The following ELF1 variants were observed in gnomAD, a reference collection of about 807,000 sequenced individuals.
The protein encoded by ELF1 is ETS-related transcription factor Elf-1.
ELF1 carries 24 observed loss-of-function variants against 59.9 expected under a neutral mutation model. That is an observed-to-expected ratio of 0.40 (90% CI 0.29 to 0.56). The LOEUF (loss-of-function observed/expected upper bound fraction) is 0.56, where lower values mean the gene tolerates loss of function less well. ELF1 is among the 20% of genes least tolerant of loss of function. The pLI is 0.44. For synonymous variants in ELF1, 248 were observed against 266.2 expected, an observed-to-expected ratio of 0.93 and a Z score of 0.67; for missense variants, 627 against 742.2, an observed-to-expected ratio of 0.84 and a Z score of 1.80.
chr13:40,999,579 C>T (rs998703445), intron 1 of ELF1, among the ~76,000 whole-genome samples: 1 of 152,094 alleles, frequency 6.6e-6, no homozygotes, highest in Non-Finnish European at 1.5e-5. Context: ...TGGGTTGCAA[C>T]AATAGATGGT....
upstream of ELF1, among the ~76,000 whole-genome samples, chr13:41,022,143 A>G (rs1875713919): frequency 6.6e-6 from 1 of 152,238 alleles, no homozygotes; most frequent in South Asian, 2.1e-4. Flanking sequence ...AATATTGAAA[A>G]CCCAAATAAT....
At chr13:41,003,964 A>G (rs1874604574) in intron 1 of ELF1, among the ~76,000 whole-genome samples, 1 of 152,160 alleles carries the variant, frequency 6.6e-6, no homozygotes, top group African/African-American at 2.4e-5. Context: ...AATAAACCAT[A>G]AAGGCAACCT....
chr13:41,057,910 A>C (rs1450346500), intron 1 of ELF1, among the ~76,000 whole-genome samples: 2 of 152,232 alleles, frequency 1.3e-5, no homozygotes, highest in Non-Finnish European at 2.9e-5. Context: ...TACCAAGGTC[A>C]CTTTCAACAA....
At chr13:41,051,994 G>A (rs1380943382) in intron 1 of ELF1, among the ~76,000 whole-genome samples, 2 of 142,542 alleles carry the variant, frequency 1.4e-5, no homozygotes, top group Non-Finnish European at 3.0e-5. Context: ...AGGCTAGAGT[G>A]CAATGGCATG....
intron 4 of ELF1, among the ~76,000 whole-genome samples, chr13:40,950,492 A>AT (rs56369349): frequency 0.19 from 28,883 of 150,272 alleles, 3,043 homozygotes; most frequent in African/African-American, 0.27. Flanking sequence ...GATTTCATTC[A>AT]TTTTTTTTTT....
At chr13:41,043,090 C>T (rs946665547) in intron 1 of ELF1, among the ~76,000 whole-genome samples, 1 of 152,158 alleles carries the variant, frequency 6.6e-6, no homozygotes, top group African/African-American at 2.4e-5. Flanking sequence ...CTGTTGGCTG[C>T]AAAAATGTCT....
chr13:41,019,129 G>T, intron 1 of ELF1, 99 bp downstream of exon 1: 1 of 923,208 alleles, frequency 1.1e-6, no homozygotes, highest in Non-Finnish European at 1.3e-6. Context: ...GAGGGTTAAA[G>T]AACACATTCA....
Position 41,005,726 on chromosome 13 carries a change from C to T in ELF1, c.-229+13502G>A, listed in dbSNP as rs941705862. On this transcript the variant is annotated intron_variant, in intron 1 of 8. Transcript: ENST00000239882. ...AGAACTCTGTTCTCCATAGGTGAAT[C>T]CTGCCTGCTTCAAGTCATGTTAACC... Among the ~76,000 whole-genome samples the T allele has an allele frequency of 4.6e-5, 7 of 152,218 alleles. 1 individual carries two copies. The highest frequency in any genetic ancestry group is 6.8e-3 in the Middle Eastern group (2 of 294).
At chr13:40,934,546 G>T (rs1869637918) in intron 8 of ELF1, among the ~76,000 whole-genome samples, 1 of 149,080 alleles carries the variant, frequency 6.7e-6, no homozygotes, top group East Asian at 2.0e-4. Flanking sequence ...TCAGCCTCCC[G>T]AGTAGCTGGG....
intron 1 of ELF1, among the ~76,000 whole-genome samples, chr13:41,040,292 G>GA (rs1464228580): frequency 5.9e-5 from 9 of 152,154 alleles, no homozygotes; most frequent in Non-Finnish European, 1.3e-4. Flanking sequence ...CCATTATATG[G>GA]AATGTACCAT....
intron 2 of ELF1, among the ~76,000 whole-genome samples, chr13:40,972,832 G>T (rs1472977031): frequency 6.6e-6 from 1 of 152,074 alleles, no homozygotes; most frequent in East Asian, 1.9e-4. Context: ...CAGTTTTCAT[G>T]ATTAAATGTT....
intron 5 of ELF1, among the ~76,000 whole-genome samples, chr13:40,944,244 A>G (rs900880484): frequency 2.0e-5 from 3 of 152,248 alleles, no homozygotes; most frequent in Non-Finnish European, 4.4e-5. Context: ...GTGCTTTCTT[A>G]AACTTTTGGA....
At chr13:40,999,093 G>A (rs1389787259) in intron 1 of ELF1, among the ~76,000 whole-genome samples, 2 of 152,206 alleles carry the variant, frequency 1.3e-5, no homozygotes, top group African/African-American at 2.4e-5. Context: ...TGCTATTATT[G>A]ATGGAGTTCG....
chr13:40,995,456 T>A (rs1191315234), intron 1 of ELF1, among the ~76,000 whole-genome samples: 3 of 152,118 alleles, frequency 2.0e-5, no homozygotes, highest in African/African-American at 7.2e-5. Flanking sequence ...TTCTATGGAT[T>A]GAGCTTAAAA....
At position 41,012,174 on chromosome 13, in the gene ELF1, G is replaced by A. The variant is rs182669032; in HGVS notation, c.-229+7054C>T. Among the ~76,000 whole-genome samples the A allele has an allele frequency of 1.6e-3, 247 of 151,796 alleles. 2 individuals carry two copies. The highest frequency in any genetic ancestry group is 1.5e-4 in the Non-Finnish European group (10 of 67,926). ...AAATACAAAGATAAATTAGCTAGGC[G>A]CCATGGTGGGCACCTGTAATCTCAG... On this transcript the variant is annotated intron_variant, in intron 1 of 8. Coordinates refer to ENST00000239882, the MANE Select transcript of ELF1 (RefSeq NM_172373.4).
At chr13:41,060,828 C>G in intron 1 of ELF1, 1 of 260,728 alleles carries the variant, frequency 3.8e-6, no homozygotes. Context: ...GAGAAACTGC[C>G]GTGACCCACC....
At chr13:40,949,704 T>A in intron 5 of ELF1, 102 bp downstream of exon 5, 1 of 1,367,166 alleles carries the variant, frequency 7.3e-7, no homozygotes, top group East Asian at 2.4e-5. Flanking sequence ...TTTTCTTACA[T>A]AAGTTTTAAC....
chr13:41,056,745 G>C (rs1877299989), intron 1 of ELF1, among the ~76,000 whole-genome samples: 1 of 152,136 alleles, frequency 6.6e-6, no homozygotes, highest in Non-Finnish European at 1.5e-5. Flanking sequence ...GTTAATTTCA[G>C]ATACTAAGAA....
chr13:41,042,967 T>C (rs1409502700), intron 1 of ELF1, among the ~76,000 whole-genome samples: 3 of 152,162 alleles, frequency 2.0e-5, no homozygotes, highest in African/African-American at 7.2e-5. Flanking sequence ...TCCAGCCTGT[T>C]CTTTCCTGAC....
Sources: gnomAD v4.1 joint callset for allele counts (sites outside exome capture counted in the v4.1 genomes callset) on GRCh38, gnomAD v4.1.1 for gene constraint, MANE v1.5 for transcripts, NCBI Gene and HGNC (gene_info 2026-07-23, HGNC 2026-07-21) for gene names.